The following ZSCAN25 variants were observed in gnomAD, a reference collection of about 807,000 sequenced individuals.
ZSCAN25 encodes the protein zinc finger and SCAN domain-containing protein 25.
In ZSCAN25, 27 loss-of-function variants were observed where a neutral mutation model predicts 38.7. That is an observed-to-expected ratio of 0.70 (90% CI 0.51 to 0.96). The LOEUF (loss-of-function observed/expected upper bound fraction) is 0.96. Among genes scored for constraint, ZSCAN25 ranks in the 40% least tolerant of loss-of-function variants. The pLI is 0.00. For synonymous variants in ZSCAN25, 273 were observed against 277.7 expected (o/e 0.98, Z 0.17); for missense variants, 637 against 705.9 (o/e 0.90, Z 1.11).
rs1806790846 is a variant in ZSCAN25 at position 99,619,847 on chromosome 7, A to G, written c.241A>G (p.Ile81Val). The stretch of plus-strand genomic sequence containing the variant: ...GCCCGAGTTGCACACCAAGGAGCAG[A>G]TCCTGGAGCTGCTGGTGCTGGAGCA... ...LRPELHTKEQILELLVLEQFL... is the reference protein window; with the variant it reads ...LRPELHTKEQVLELLVLEQFL... Residue 81 changes from isoleucine to valine, a missense_variant, in exon 4 of 8, where the codon ATC becomes GTC. Ile to Val is a conservative substitution (Grantham distance 29, BLOSUM62 3). Transcript: ENST00000394152. 1 of 1,614,096 alleles carries G rather than the reference A, an allele frequency of 6.2e-7. No individual in the cohort carries two copies. Among genetic ancestry groups the G allele is most frequent in the East Asian group, 2.2e-5 (1 of 44,894 alleles).
chr7:99,620,708 G>GT (rs1480061765), intron 4 of ZSCAN25: 1 of 152,244 alleles, frequency 6.6e-6, no homozygotes, highest in Non-Finnish European at 1.5e-5. Flanking sequence ...GAAATGCCTT[G>GT]TTTTTGTGAG....
the ZSCAN25 span, among the ~76,000 whole-genome samples, chr7:99,649,598 C>T: frequency 6.6e-6 from 1 of 152,134 alleles, no homozygotes; most frequent in East Asian, 1.9e-4. Context: ...AACCTAGTCA[C>T]GCTCTGGGTT....
At chr7:99,719,721 T>C in the ZSCAN25 span, among the ~76,000 whole-genome samples, 1 of 152,122 alleles carries the variant, frequency 6.6e-6, no homozygotes, top group Admixed American at 6.5e-5. Context: ...ATGGAATGGG[T>C]CTGCATCTTG....
the ZSCAN25 span, among the ~76,000 whole-genome samples, chr7:99,655,939 T>G: frequency 6.6e-6 from 1 of 152,210 alleles, no homozygotes; most frequent in Non-Finnish European, 1.5e-5. Context: ...TGTATCCTGA[T>G]ACTTTGCTGA....
the ZSCAN25 span, among the ~76,000 whole-genome samples, chr7:99,725,001 G>A: frequency 6.6e-6 from 1 of 152,132 alleles, no homozygotes; most frequent in African/African-American, 2.4e-5. Flanking sequence ...CTTCAAGAAG[G>A]CATCAGGGCA....
At chr7:99,650,441 A>G in the ZSCAN25 span, among the ~76,000 whole-genome samples, 1 of 152,202 alleles carries the variant, frequency 6.6e-6, no homozygotes, top group Non-Finnish European at 1.5e-5. Flanking sequence ...CATACCCTAT[A>G]GGAGCGTTTC....
the ZSCAN25 span, among the ~76,000 whole-genome samples, chr7:99,714,085 G>T: frequency 6.6e-6 from 1 of 152,110 alleles, no homozygotes; most frequent in Non-Finnish European, 1.5e-5. Flanking sequence ...GCTGTCAGAG[G>T]GCTCAAATGT....
At chr7:99,687,501 C>T in the ZSCAN25 span, among the ~76,000 whole-genome samples, 1 of 152,152 alleles carries the variant, frequency 6.6e-6, no homozygotes, top group Non-Finnish European at 1.5e-5. Context: ...AACAAAGCCT[C>T]CAAGAAATAT....
the ZSCAN25 span, chr7:99,647,352 C>A: frequency 2.9e-6 from 1 of 345,126 alleles, no homozygotes; most frequent in South Asian, 1.1e-4. Context: ...TGGCTGCAAC[C>A]CACCTAATGG....
chr7:99,734,964 G>T, the ZSCAN25 span: 6 of 1,610,380 alleles, frequency 3.7e-6, no homozygotes, highest in Non-Finnish European at 4.2e-6. Context: ...GGAAAGAGAG[G>T]CCTGATTAGC....
At chr7:99,649,263 A>G in the ZSCAN25 span, among the ~76,000 whole-genome samples, 1 of 152,214 alleles carries the variant, frequency 6.6e-6, no homozygotes. Flanking sequence ...AGCCATAGAT[A>G]AGATGGCAAC....
chr7:99,697,206 A>G, the ZSCAN25 span, among the ~76,000 whole-genome samples: 1 of 152,198 alleles, frequency 6.6e-6, no homozygotes, highest in Non-Finnish European at 1.5e-5. Context: ...GTATCTCTGT[A>G]GGAAAACCCA....
chr7:99,736,079 T>C, the ZSCAN25 span, among the ~76,000 whole-genome samples: 7 of 152,208 alleles, frequency 4.6e-5, no homozygotes, highest in African/African-American at 1.7e-4. Flanking sequence ...AGCTGATGGC[T>C]TAGTGGAATA....
the ZSCAN25 span, among the ~76,000 whole-genome samples, chr7:99,682,054 C>T: frequency 2.6e-5 from 4 of 152,106 alleles, no homozygotes; most frequent in East Asian, 1.9e-4. Flanking sequence ...CTGCCACCTC[C>T]GCCTCCTGGG....
At chr7:99,684,419 C>T in the ZSCAN25 span, among the ~76,000 whole-genome samples, 8 of 152,082 alleles carry the variant, frequency 5.3e-5, no homozygotes, top group Admixed American at 3.3e-4. Flanking sequence ...CCACCCACCT[C>T]GGCCTCCCAA....
the ZSCAN25 span, among the ~76,000 whole-genome samples, chr7:99,721,813 G>A: frequency 4.6e-5 from 7 of 152,150 alleles, no homozygotes; most frequent in African/African-American, 7.2e-5. Context: ...ATAAATCAAA[G>A]AAGGCTATGA....
At chr7:99,660,240 T>A in the ZSCAN25 span, 28 of 977,948 alleles carry the variant, frequency 2.9e-5, no homozygotes, top group Non-Finnish European at 3.3e-5. Context: ...TTTTTTTTTT[T>A]TTTTTACTTA....
rs1807995934 is a variant in ZSCAN25, at chr7:99,631,534, G to A, written c.*1514G>A. The A allele has an allele frequency of 1.0e-6, 1 of 985,350 alleles. No individual in the cohort carries two copies. The highest frequency in any genetic ancestry group is 1.7e-5 in the African/African-American group (1 of 57,188). 61.0% of individuals were successfully genotyped at this position (985,350 alleles called of 1,614,324 possible). A position where few individuals can be genotyped will look rare whatever the true frequency, so the allele number is the denominator to read the frequency against. ...CTTTGAACCCTGGCTGAGTGAGTGA[G>A]TTTGTCCTTTGTTGATAGTGTCCTA... On this transcript the variant is annotated 3_prime_UTR_variant, in exon 8 of 8. Coordinates refer to ENST00000394152, the MANE Select transcript of ZSCAN25 (RefSeq NM_145115.3).
intron 4 of ZSCAN25, chr7:99,621,047 T>G (rs1439011839): frequency 5.2e-6 from 1 of 190,956 alleles, no homozygotes. Context: ...TTCAGCTTTT[T>G]CAATTAGGAA....
Sources: allele counts gnomAD v4.1 joint callset (sites outside exome capture counted in the v4.1 genomes callset), GRCh38; gene constraint gnomAD v4.1.1; transcripts MANE v1.5; gene names NCBI Gene and HGNC (gene_info 2026-07-23, HGNC 2026-07-21).